CYP4F12: variants seen among roughly 807,000 people sequenced by gnomAD.
CYP4F12 encodes cytochrome P450 4F12.
CYP4F12 carries 60 observed loss-of-function variants against 56.5 expected under a neutral mutation model. The ratio of observed to expected loss-of-function variants is 1.06; its 90% confidence interval spans 0.86 to 1.32. The LOEUF is 1.32. CYP4F12 is among the 40% of genes most tolerant of loss of function. The pLI, the probability that CYP4F12 is intolerant of heterozygous loss-of-function variation, is 0.00. For synonymous variants in CYP4F12, 263 were observed against 264.9 expected (o/e 0.99, Z 0.07); for missense variants, 711 against 683.5 (o/e 1.04, Z -0.45).
In CYP4F12 at chr19:15,696,083, C is replaced by T. The variant is rs2008121497; in HGVS notation, c.1249+14C>T. ...TCATCCCCAAAGGTGCCCACAGCCTCAGGGGGAGAAGCCTCCCGGGTAGGA... is the reference window on the plus strand; with the variant it reads ...TCATCCCCAAAGGTGCCCACAGCCTTAGGGGGAGAAGCCTCCCGGGTAGGA... On this transcript the variant is annotated intron_variant, in intron 10 of 12. Coordinates refer to ENST00000550308, the MANE Select transcript of CYP4F12 (RefSeq NM_023944.4). 4 of 1,612,126 alleles carry T rather than the reference C, an allele frequency of 2.5e-6. No individual in the cohort carries two copies. Among genetic ancestry groups the T allele is most frequent in the African/African-American group, 1.3e-5 (1 of 74,868 alleles).
At chr19:15,691,694 G>GT (rs540971231) in intron 9 of CYP4F12, among the ~76,000 whole-genome samples, 15,836 of 138,604 alleles carry the variant, frequency 0.11, 1,530 homozygotes, top group East Asian at 0.56. Context: ...CACAATTAAT[G>GT]TTTTTTTTTT....
chr19:15,688,822 G>A (rs933516886), intron 9 of CYP4F12, among the ~76,000 whole-genome samples: 1 of 152,182 alleles, frequency 6.6e-6, no homozygotes, highest in Admixed American at 6.5e-5. Flanking sequence ...ACAGCCAACT[G>A]ATCTTTGACA....
At chr19:15,684,029 T>G in intron 7 of CYP4F12, 1 of 289,292 alleles carries the variant, frequency 3.5e-6, no homozygotes, top group South Asian at 8.9e-5. Flanking sequence ...TATCTATATG[T>G]CTATGTCTTT....
intron 9 of CYP4F12, among the ~76,000 whole-genome samples, chr19:15,693,030 A>T (rs2007946021): frequency 6.6e-6 from 1 of 152,150 alleles, no homozygotes; most frequent in Non-Finnish European, 1.5e-5. Flanking sequence ...GTGAGACAAG[A>T]TTGTGTCACT....
In CYP4F12 at chr19:15,696,167, C is replaced by A. The variant is rs775023783; in HGVS notation, c.1256C>A (p.Thr419Asn). ...GCCCCTTTCTCTCCCACAGGCATTA[C>A]CTGCCTCATCGATATTATAGGGGTC... ...PDGRVIPKGI[T>N]CLIDIIGVHH... Residue 419 changes from threonine (T) to asparagine (N), a missense_variant, in exon 11 of 13, where the codon ACC becomes AAC. Physicochemically the swap from Thr to Asn is moderately conservative, Grantham distance 65 (BLOSUM62 0). Coordinates refer to ENST00000550308, the MANE Select transcript of CYP4F12 (RefSeq NM_023944.4). 1 of 1,614,054 alleles carries A rather than the reference C, an allele frequency of 6.2e-7. No individual in the cohort carries two copies. The highest frequency in any genetic ancestry group is 8.5e-7 in the Non-Finnish European group (1 of 1,179,950).
At chr19:15,674,611 CCATT>C (rs1335183531) in intron 2 of CYP4F12, among the ~76,000 whole-genome samples, 2 of 121,262 alleles carry the variant, frequency 1.6e-5, no homozygotes, top group African/African-American at 3.1e-5. Flanking sequence ...ATTCCTCTAC[CCATT>C]CACTTATTCC....
chr19:15,696,306 G>C (rs773155787), intron 11 of CYP4F12, 81 bp downstream of exon 11: 7 of 1,611,308 alleles, frequency 4.3e-6, no homozygotes, highest in South Asian at 3.3e-5. Flanking sequence ...GTTCCTAGTG[G>C]AGGGGGCAGG....
At chr19:15,691,848 AG>A (rs1455857977) in intron 9 of CYP4F12, among the ~76,000 whole-genome samples, 1 of 152,208 alleles carries the variant, frequency 6.6e-6, no homozygotes, top group Admixed American at 6.5e-5. Flanking sequence ...TTCCTTTGGC[AG>A]ATGGGAAGTT....
In CYP4F12 at chr19:15,673,153, G is replaced by A; in HGVS notation, c.-2+18G>A. Reference sequence around the variant, plus strand: ...GACAGAAGGTACCAGGCTGGGGGTGGCAGGGCTGGAAGGTCCTGGCCTGGG... The same window carrying A: ...GACAGAAGGTACCAGGCTGGGGGTGACAGGGCTGGAAGGTCCTGGCCTGGG... On this transcript the variant is annotated intron_variant, in intron 1 of 12. Coordinates refer to ENST00000550308, the MANE Select transcript of CYP4F12 (RefSeq NM_023944.4). 2.2e-6 allele frequency: 1 copy of A among 461,868 alleles called. No homozygotes were observed. Among genetic ancestry groups the A allele is most frequent in the Non-Finnish European group, 4.3e-6 (1 of 234,208 alleles). The allele number at this position is 461,868 out of a possible 1,614,324, so 28.6% of individuals were successfully genotyped here.
intron 6 of CYP4F12, among the ~76,000 whole-genome samples, chr19:15,683,084 C>T (rs200897524): frequency 7.6e-5 from 9 of 118,944 alleles, no homozygotes; most frequent in African/African-American, 3.1e-4. Context: ...GAGAGAGAGA[C>T]AGAGAGACAG....
chr19:15,680,749 A>C, intron 5 of CYP4F12: 2 of 581,056 alleles, frequency 3.4e-6, no homozygotes, highest in Non-Finnish European at 6.1e-6. Flanking sequence ...TTTCTCACAG[A>C]ATCCCTGTAA....
chr19:15,684,331 G>A (rs1423264338), intron 7 of CYP4F12: 3 of 158,242 alleles, frequency 1.9e-5, no homozygotes, highest in Non-Finnish European at 4.2e-5. Context: ...CTTTGTTCTG[G>A]CGTATAAACT....
chr19:15,684,653 A>G (rs1379388489), intron 7 of CYP4F12, 163 bp from the exon 8 acceptor site: 1 of 666,000 alleles, frequency 1.5e-6, no homozygotes, highest in Non-Finnish European at 2.5e-6. Flanking sequence ...GGTGATGGTG[A>G]ACAAGAGAGA....
chr19:15,682,326 G>C (rs1057273511), intron 5 of CYP4F12, 63 bp from the exon 6 acceptor site: 40 of 1,595,336 alleles, frequency 2.5e-5, no homozygotes, highest in Non-Finnish European at 3.1e-5. Context: ...CTGATGTTTG[G>C]GACTGGGGAG....
At chr19:15,696,377 G>A (rs1403407257) in intron 11 of CYP4F12, 53 bp from the exon 12 acceptor site, 1 of 1,613,126 alleles carries the variant, frequency 6.2e-7, no homozygotes, top group Non-Finnish European at 8.5e-7. Flanking sequence ...GTCTCTCCAA[G>A]GCTGCTGGAC....
In CYP4F12 at chr19:15,697,004, C is replaced by T. The variant is rs2008179118; in HGVS notation, c.1494C>T (p.Pro498=). 2 of 1,614,132 alleles carry T rather than the reference C, an allele frequency of 1.2e-6. No individual in the cohort carries two copies. Among genetic ancestry groups the T allele is most frequent in the Non-Finnish European group, 8.5e-7 (1 of 1,180,048 alleles). The change falls in exon 13 of 13, where the codon CCC becomes CCT. Residue 498 remains proline, a synonymous_variant. Transcript: ENST00000550308. ...HFRFLPDHTE[P]RRKLELIMRA... ...GGTTCCTGCCAGACCACACTGAGCC[C>T]CGCAGGAAGCTGGAATTGATCATGC...
chr19:15,681,243 TAC>T, intron 5 of CYP4F12: 1 of 153,440 alleles, frequency 6.5e-6, no homozygotes, highest in South Asian at 2.1e-4. Context: ...AAAAGTCCAG[TAC>T]AGACTCAAAG....
chr19:15,692,238 G>T (rs914537563), intron 9 of CYP4F12, among the ~76,000 whole-genome samples: 3 of 152,050 alleles, frequency 2.0e-5, no homozygotes, highest in Non-Finnish European at 2.9e-5. Flanking sequence ...TTTCTAATGG[G>T]TTTTAATATC....
rs780433013 is a variant in CYP4F12, at chr19:15,680,517, C to T, written c.523C>T (p.Leu175Phe). 1 of 1,614,120 alleles carries T rather than the reference C, an allele frequency of 6.2e-7. No homozygotes were observed. The highest frequency in any genetic ancestry group is 1.7e-5 in the Admixed American group (1 of 60,022). ...CTTCAACAAGAGTGCAAACATCATG[C>T]TTGTGAGTCCCTTGAAGTCTGGGTC... is the stretch of plus-strand genomic sequence containing the variant. ...TIFNKSANIMLDKWQHLASEG... is the reference protein window; with the variant it reads ...TIFNKSANIMFDKWQHLASEG... The change falls in exon 5 of 13, where the codon CTT (leucine) becomes TTT (phenylalanine). Residue 175 changes from leucine (L) to phenylalanine (F), a missense_variant and splice_region_variant. Physicochemically the swap from Leu to Phe is conservative, Grantham distance 22. Coordinates refer to ENST00000550308, the MANE Select transcript of CYP4F12 (RefSeq NM_023944.4).
Sources: allele counts gnomAD v4.1 joint callset (sites outside exome capture counted in the v4.1 genomes callset), GRCh38; gene constraint gnomAD v4.1.1; transcripts MANE v1.5; gene names NCBI Gene and HGNC (gene_info 2026-07-23, HGNC 2026-07-21).